The following CSMD3 variants were observed in gnomAD, a reference collection of about 807,000 sequenced individuals.
CSMD3 encodes CUB and sushi domain-containing protein 3.
CSMD3 carries 177 observed loss-of-function variants against 435.2 expected under a neutral mutation model. That is an observed-to-expected ratio of 0.41 (90% confidence interval 0.36 to 0.46). CSMD3 has a LOEUF of 0.46. CSMD3 is among the 20% of genes least tolerant of loss of function. The probability of loss-of-function intolerance (pLI) is 0.34; values close to 1 mark genes in which losing one functional copy is unlikely to be tolerated. For synonymous variants in CSMD3, 1,656 were observed against 1,520.5 expected (o/e 1.09, Z -2.07); for missense variants, 4,265 against 4,504.6 (o/e 0.95, Z 1.52).
chr8:113,401,568 A>G (rs913020340), intron 1 of CSMD3, among the ~76,000 whole-genome samples: 19 of 151,662 alleles, frequency 1.3e-4, no homozygotes, highest in Non-Finnish European at 3.0e-5. Flanking sequence ...ACTTTTTTAT[A>G]GTTTCTGTAT....
chr8:112,450,429 A>G (rs1816129496), intron 32 of CSMD3, among the ~76,000 whole-genome samples: 1 of 152,226 alleles, frequency 6.6e-6, no homozygotes, highest in Non-Finnish European at 1.5e-5. Context: ...AAGACTTTCC[A>G]GTCAAAAAGA....
At chr8:113,249,160 T>C (rs559753655) in intron 3 of CSMD3, among the ~76,000 whole-genome samples, 2 of 152,200 alleles carry the variant, frequency 1.3e-5, no homozygotes, top group Admixed American at 6.5e-5. Flanking sequence ...ATGTAAGACA[T>C]GACTTTACTC....
intron 58 of CSMD3, among the ~76,000 whole-genome samples, chr8:112,284,582 T>A (rs1019351): frequency 0.24 from 35,747 of 151,698 alleles, 4,391 homozygotes; most frequent in East Asian, 0.36. Context: ...TTGACTATAC[T>A]CTATTAGATC....
intron 27 of CSMD3, among the ~76,000 whole-genome samples, chr8:112,524,178 A>C (rs982762172): frequency 1.3e-5 from 2 of 151,938 alleles, no homozygotes. Context: ...CATATCATAT[A>C]CAGTCAATGA....
In CSMD3 at chr8:112,656,319, C is replaced by T. The variant is rs772719987; in HGVS notation, c.2839G>A (p.Asp947Asn). The T allele has an allele frequency of 6.2e-7, 1 of 1,613,062 alleles. No individual in the cohort carries two copies. Among genetic ancestry groups the T allele is most frequent in the Non-Finnish European group, 8.5e-7 (1 of 1,179,324 alleles). The change falls in exon 18 of 71, where the codon GAT becomes AAT. Residue 947 changes from aspartate to asparagine, a missense_variant. Asp to Asn is a conservative substitution (Grantham distance 23, BLOSUM62 1). Coordinates refer to ENST00000297405, the MANE Select transcript of CSMD3 (RefSeq NM_198123.2). ...FERFQTELNY[D>N]VLEVHDGPNL... ...GGCCCATCATGAACTTCCAGAACATCATAATTCAGTTCAGTCTGAAATCTA... is the reference window on the plus strand; with the variant it reads ...GGCCCATCATGAACTTCCAGAACATTATAATTCAGTTCAGTCTGAAATCTA...
chr8:113,231,664 A>G (rs1382445507), intron 3 of CSMD3, among the ~76,000 whole-genome samples: 2 of 151,634 alleles, frequency 1.3e-5, no homozygotes, highest in South Asian at 2.1e-4. Context: ...CAAAAAATAC[A>G]AAAATACTTT....
intron 1 of CSMD3, among the ~76,000 whole-genome samples, chr8:113,390,581 T>C (rs2094457389): frequency 6.6e-6 from 1 of 151,886 alleles, no homozygotes. Flanking sequence ...TCATGATATT[T>C]TGTAATTACA....
intron 9 of CSMD3, among the ~76,000 whole-genome samples, chr8:112,932,931 CA>C (rs2083161179): frequency 6.6e-6 from 1 of 152,080 alleles, no homozygotes; most frequent in Non-Finnish European, 1.5e-5. Flanking sequence ...ATGCATGTAT[CA>C]AAATATCATG....
At chr8:113,116,713 T>C (rs2090841211) in intron 4 of CSMD3, among the ~76,000 whole-genome samples, 1 of 152,152 alleles carries the variant, frequency 6.6e-6, no homozygotes, top group Non-Finnish European at 1.5e-5. Context: ...AACAGGAAGA[T>C]GTTGGAAAGT....
chr8:113,065,339 G>A (rs1210152408), intron 5 of CSMD3, among the ~76,000 whole-genome samples: 4 of 152,118 alleles, frequency 2.6e-5, no homozygotes, highest in Non-Finnish European at 5.9e-5. Flanking sequence ...GATGATTAAA[G>A]TCCAAATAAG....
chr8:113,319,504 T>C (rs540172909), intron 1 of CSMD3, among the ~76,000 whole-genome samples: 2 of 152,048 alleles, frequency 1.3e-5, no homozygotes, highest in African/African-American at 4.8e-5. Flanking sequence ...TAATAGCCCA[T>C]AAATTGCCTA....
chr8:112,379,991 C>A (rs1829320914), intron 38 of CSMD3, among the ~76,000 whole-genome samples: 1 of 152,078 alleles, frequency 6.6e-6, no homozygotes, highest in South Asian at 2.1e-4. Context: ...AAATGAAGAG[C>A]TGTGGTTCAA....
chr8:112,951,715 G>T (rs80226778), intron 8 of CSMD3, among the ~76,000 whole-genome samples: 7,117 of 151,658 alleles, frequency 0.047, 225 homozygotes, highest in Non-Finnish European at 0.069. Context: ...GTCTAGCATA[G>T]TGCTGCCATG....
intron 13 of CSMD3, among the ~76,000 whole-genome samples, chr8:112,711,899 A>G (rs1000588015): frequency 6.6e-6 from 1 of 152,056 alleles, no homozygotes; most frequent in African/African-American, 2.4e-5. Flanking sequence ...AGTATCTGGT[A>G]CTACAGGAGC....
chr8:112,487,321 C>G (rs1176385608), intron 31 of CSMD3, among the ~76,000 whole-genome samples: 1 of 152,178 alleles, frequency 6.6e-6, no homozygotes, highest in African/African-American at 2.4e-5. Flanking sequence ...CTGAAGAAAA[C>G]AAGAGAGCTA....
At chr8:113,045,196 C>A (rs139957580) in intron 5 of CSMD3, among the ~76,000 whole-genome samples, 5 of 148,892 alleles carry the variant, frequency 3.4e-5, no homozygotes, top group Non-Finnish European at 7.6e-5. Context: ...CAAACAACAA[C>A]AAAAAAACTG....
intron 32 of CSMD3, among the ~76,000 whole-genome samples, chr8:112,441,930 T>A (rs1354858143): frequency 2.0e-5 from 2 of 97,934 alleles, no homozygotes; most frequent in African/African-American, 2.8e-5. Context: ...CATATCAGAT[T>A]TTTTTTGGTA....
intron 38 of CSMD3, among the ~76,000 whole-genome samples, chr8:112,370,023 G>GGAAGAAGAAGAAGAGGAAGAA (rs1828195085): frequency 1.5e-5 from 1 of 66,538 alleles, no homozygotes; most frequent in African/African-American, 6.4e-5. Flanking sequence ...AAGAAGAAGA[G>GGAAGAAGAAGAAGAGGAAGAA]GAAGAAGAAG....
At position 112,228,777 on chromosome 8, in the gene CSMD3, C is replaced by T. The variant is rs146402594; in HGVS notation, c.10943G>A (p.Gly3648Glu). 2 of 1,593,604 alleles carry T rather than the reference C, an allele frequency of 1.3e-6. No homozygotes were observed. The highest frequency in any genetic ancestry group is 1.7e-6 in the Non-Finnish European group (2 of 1,162,116). Residue 3648 changes from glycine to glutamate, a missense_variant, in exon 70 of 71, where the codon GGA becomes GAA. Transcript: ENST00000297405. The part of the protein sequence containing the change: ...PFFALIFAGF[G>E]FYLYKQRTAP... ...TTACCTTTGTTTATAAAGATAAAATCCAAATCCTGCAAATATAAGTGCAAA... is the reference window on the plus strand; with the variant it reads ...TTACCTTTGTTTATAAAGATAAAATTCAAATCCTGCAAATATAAGTGCAAA...
Sources: allele counts gnomAD v4.1 joint callset (sites outside exome capture counted in the v4.1 genomes callset), GRCh38; gene constraint gnomAD v4.1.1; transcripts MANE v1.5; gene names NCBI Gene and HGNC (gene_info 2026-07-23, HGNC 2026-07-21).